Variants in IL1RN observed in about 807,000 individuals in gnomAD.
IL1RN encodes the protein interleukin-1 receptor antagonist protein.
IL1RN carries 10 observed loss-of-function variants against 13.7 expected under a neutral mutation model. The ratio of observed to expected loss-of-function variants is 0.73; its 90% CI spans 0.45 to 1.24. The LOEUF (loss-of-function observed/expected upper bound fraction) is 1.24. Among genes scored for constraint, IL1RN ranks in the 50% most tolerant of loss-of-function variants. The pLI, the probability that IL1RN is intolerant of heterozygous loss-of-function variation, is 0.00. For missense variants in IL1RN, 213 were observed against 222.1 expected, an observed-to-expected ratio of 0.96 and a Z score of 0.26; for synonymous variants, 102 against 82.7, an observed-to-expected ratio of 1.23 and a Z score of -1.27.
At chr2:113,112,338 A>G (rs975061656) in intron 1 of IL1RN, among the ~76,000 whole-genome samples, 3 of 152,134 alleles carry the variant, frequency 2.0e-5, no homozygotes, top group East Asian at 1.9e-4. Context: ...CAGCTCTCCA[A>G]CTTCCCTTCC....
upstream of IL1RN, among the ~76,000 whole-genome samples, chr2:113,102,699 G>T (rs758339404): frequency 6.6e-6 from 1 of 152,168 alleles, no homozygotes. Flanking sequence ...CAGTCAAAGG[G>T]GGTTTCTCTC....
chr2:113,132,086 G>C (rs1198784461), intron 3 of IL1RN, among the ~76,000 whole-genome samples: 1 of 152,244 alleles, frequency 6.6e-6, no homozygotes, highest in Non-Finnish European at 1.5e-5. Context: ...TCCAAGGCCA[G>C]AGTGGCCAGA....
chr2:113,126,953 A>T (rs1212640491), upstream of IL1RN, among the ~76,000 whole-genome samples: 1 of 152,232 alleles, frequency 6.6e-6, no homozygotes, highest in Non-Finnish European at 1.5e-5. Flanking sequence ...CTCACTTTAC[A>T]TCAGGGGTCA....
chr2:113,132,840 T>C lies in IL1RN; in HGVS notation c.503T>C (p.Val168Ala). 1.9e-6 allele frequency: 3 copies of C among 1,614,214 alleles called. No individual in the cohort carries two copies. The highest frequency in any genetic ancestry group is 2.5e-6 in the Non-Finnish European group (3 of 1,180,040). Residue 168 changes from valine to alanine, a missense_variant, in exon 4 of 4, where the codon GTC (valine) becomes GCC (alanine). Physicochemically the swap from Val to Ala is moderately conservative, Grantham distance 64. Transcript: ENST00000409930. Reference protein sequence around the residue: ...LTNMPDEGVMVTKFYFQEDE With the variant: ...LTNMPDEGVMATKFYFQEDE ...AATATGCCTGACGAAGGCGTCATGGTCACCAAATTCTACTTCCAGGAGGAC... is the reference window on the plus strand; with the variant it reads ...AATATGCCTGACGAAGGCGTCATGGCCACCAAATTCTACTTCCAGGAGGAC...
upstream of IL1RN, among the ~76,000 whole-genome samples, chr2:113,108,150 T>C (rs1034715051): frequency 2.0e-5 from 3 of 152,182 alleles, no homozygotes; most frequent in African/African-American, 7.2e-5. Context: ...TTTCTCTAAT[T>C]TCTAGAGGCA....
intron 1 of IL1RN, among the ~76,000 whole-genome samples, chr2:113,112,731 C>G (rs778068433): frequency 2.0e-5 from 3 of 152,220 alleles, no homozygotes; most frequent in African/African-American, 7.2e-5. Flanking sequence ...CCCTGTGCCT[C>G]TTTCATCGTT....
chr2:113,117,754 A>C (rs1278335272), upstream of IL1RN: 4 of 588,870 alleles, frequency 6.8e-6, no homozygotes, highest in Non-Finnish European at 1.2e-5. Context: ...AGCCTGAGTC[A>C]CCCTCCTGGA....
chr2:113,105,371 TG>T (rs1046595854), upstream of IL1RN, among the ~76,000 whole-genome samples: 4 of 152,236 alleles, frequency 2.6e-5, no homozygotes, highest in African/African-American at 9.6e-5. Context: ...CACAAATGTT[TG>T]GGCTTACTTA....
chr2:113,124,196 T>C (rs1205465688), upstream of IL1RN, among the ~76,000 whole-genome samples: 1 of 151,924 alleles, frequency 6.6e-6, no homozygotes, highest in Admixed American at 6.6e-5. Context: ...TGGGAAGGCA[T>C]TGTCTTTTAT....
chr2:113,111,937 G>A (rs958555231), intron 1 of IL1RN, among the ~76,000 whole-genome samples: 1 of 152,230 alleles, frequency 6.6e-6, no homozygotes, highest in African/African-American at 2.4e-5. Flanking sequence ...CATGGCCTTG[G>A]CCCCACCCCT....
At chr2:113,103,485 C>T (rs141964386), upstream of IL1RN, among the ~76,000 whole-genome samples, 79 of 152,192 alleles carry the variant, frequency 5.2e-4, 1 homozygote, top group South Asian at 3.3e-3. Context: ...GGAGTGATGC[C>T]GCCATGAGGC....
chr2:113,122,912 G>T (rs1686825318), upstream of IL1RN, among the ~76,000 whole-genome samples: 2 of 152,152 alleles, frequency 1.3e-5, no homozygotes, highest in Admixed American at 1.3e-4. Flanking sequence ...GATCACCTGA[G>T]GTCGGGAGTT....
At chr2:113,112,956 C>T (rs1463097606), upstream of IL1RN, 1 of 152,206 alleles carries the variant, frequency 6.6e-6, no homozygotes, top group Non-Finnish European at 1.5e-5. Flanking sequence ...ATAACCCCAC[C>T]TTGATCTAGC....
At position 113,133,153 on chromosome 2, in the gene IL1RN, C is replaced by T. The variant is rs1230925973; in HGVS notation, c.*282C>T. On this transcript the variant is annotated 3_prime_UTR_variant, in exon 4 of 4. Coordinates refer to ENST00000409930, the MANE Select transcript of IL1RN (RefSeq NM_173842.3). ...CGCCTCTGCATTCAGGATCAAACCC[C>T]GACCACCTGCCCAACCTGCTCTCCT... The T allele has an allele frequency of 2.0e-6, 1 of 497,104 alleles. No individual in the cohort carries two copies. The allele number at this position is 497,104 out of a possible 1,614,324, so 30.8% of individuals were successfully genotyped here. A position where few individuals can be genotyped will look rare whatever the true frequency, so the allele number is the denominator to read the frequency against.
upstream of IL1RN, among the ~76,000 whole-genome samples, chr2:113,114,057 T>G (rs1466677506): frequency 6.6e-6 from 1 of 152,176 alleles, no homozygotes; most frequent in African/African-American, 2.4e-5. Context: ...CTTAAGCTGG[T>G]TTTGGCTGTA....
chr2:113,117,958 G>C, exon 1 of IL1RN: 1 of 1,011,562 alleles, frequency 9.9e-7, no homozygotes, highest in Non-Finnish European at 1.6e-6. Flanking sequence ...ATGGGCAGCA[G>C]CTCAGTTGAG....
At chr2:113,117,703 C>T (rs1183777821), upstream of IL1RN, 2 of 530,626 alleles carry the variant, frequency 3.8e-6, no homozygotes, top group South Asian at 4.6e-5. Context: ...CTGCATGTGA[C>T]CTCCCATCTT....
At chr2:113,099,979 C>A in the IL1RN span, among the ~76,000 whole-genome samples, 1 of 139,716 alleles carries the variant, frequency 7.2e-6, no homozygotes, top group African/African-American at 2.6e-5. Flanking sequence ...CGTGATCCGC[C>A]CGCCTCGGCC....
intron 3 of IL1RN, among the ~76,000 whole-genome samples, 171 bp from the exon 4 acceptor site, chr2:113,132,485 A>G (rs756654763): frequency 6.6e-6 from 1 of 152,228 alleles, no homozygotes; most frequent in Non-Finnish European, 1.5e-5. Flanking sequence ...CCTAGGTCCC[A>G]GAGTCCCACA....
Sources: gnomAD v4.1 joint callset for allele counts (sites outside exome capture counted in the v4.1 genomes callset) on GRCh38, gnomAD v4.1.1 for gene constraint, MANE v1.5 for transcripts, NCBI Gene and HGNC (gene_info 2026-07-23, HGNC 2026-07-21) for gene names.